Variants in AGBL2 observed in about 807,000 individuals in gnomAD.
AGBL2 encodes AGBL carboxypeptidase 2.
Under a neutral mutation model 103.0 loss-of-function variants are expected in AGBL2, and 87 were observed. The observed-to-expected ratio is 0.84, with a 90% confidence interval of 0.71 to 1.01. AGBL2 has a LOEUF of 1.01. Ranked by LOEUF, AGBL2 falls within the 50% of genes least tolerant of loss-of-function variation. The pLI is 0.00. For missense variants in AGBL2, 904 were observed against 1,023.5 expected, an observed-to-expected ratio of 0.88 and a Z score of 1.59; for synonymous variants, 335 against 356.7, an observed-to-expected ratio of 0.94 and a Z score of 0.69.
intron 4 of AGBL2, among the ~76,000 whole-genome samples, chr11:47,708,073 C>CT (rs371682330): frequency 6.6e-4 from 95 of 144,182 alleles, no homozygotes; most frequent in Non-Finnish European, 5.8e-4. Context: ...ATTTAGTCAT[C>CT]TTTTTTTTTT....
intron 16 of AGBL2, among the ~76,000 whole-genome samples, chr11:47,667,366 G>A (rs894752844): frequency 6.6e-6 from 1 of 152,208 alleles, no homozygotes; most frequent in African/African-American, 2.4e-5. Flanking sequence ...CAGAGTGTAG[G>A]AGAGGTTCAG....
intron 3 of AGBL2, among the ~76,000 whole-genome samples, chr11:47,713,750 G>A (rs1482999822): frequency 2.0e-5 from 3 of 150,762 alleles, no homozygotes; most frequent in East Asian, 2.0e-4. Flanking sequence ...CACCACGCCC[G>A]GCTAATTTTT....
At position 47,710,358 on chromosome 11, in the gene AGBL2, C is replaced by T. The variant is rs375596758; in HGVS notation, c.232+19G>A. 2.1e-5 allele frequency: 34 copies of T among 1,613,780 alleles called. No individual in the cohort carries two copies. The African/African-American group carries it at 2.7e-4, about 13-fold the overall frequency. ...AGGCAATGAGGTTCTAGAGGTCACACATACTGATTGTTACTCACATAGAAG... is the reference window on the plus strand; with the variant it reads ...AGGCAATGAGGTTCTAGAGGTCACATATACTGATTGTTACTCACATAGAAG... On this transcript the variant is annotated intron_variant, in intron 4 of 18. Transcript: ENST00000525123.
intron 11 of AGBL2, among the ~76,000 whole-genome samples, chr11:47,683,737 C>A (rs1404472232): frequency 6.6e-6 from 1 of 150,920 alleles, no homozygotes; most frequent in Non-Finnish European, 1.5e-5. Context: ...CACCACTGCA[C>A]TCCAGCCTGG....
chr11:47,660,620 C>G (rs994725442), intron 18 of AGBL2, among the ~76,000 whole-genome samples: 1 of 150,172 alleles, frequency 6.7e-6, no homozygotes, highest in African/African-American at 2.5e-5. Flanking sequence ...ATGGCACAAT[C>G]TCAGCTCACT....
At chr11:47,702,229 C>T (rs1249501973) in intron 7 of AGBL2, among the ~76,000 whole-genome samples, 1 of 152,120 alleles carries the variant, frequency 6.6e-6, no homozygotes, top group East Asian at 1.9e-4. Context: ...GTTTTTAATG[C>T]TCAATGTTCT....
At chr11:47,687,682 A>G (rs960630339) in intron 10 of AGBL2, among the ~76,000 whole-genome samples, 3 of 152,078 alleles carry the variant, frequency 2.0e-5, no homozygotes, top group Non-Finnish European at 4.4e-5. Context: ...GCTCCCTAGA[A>G]GTTGAGCAGA....
chr11:47,690,175 T>A lies in AGBL2; in HGVS notation c.1532A>T (p.Tyr511Phe), dbSNP rs770149628. The stretch of plus-strand genomic sequence containing the variant: ...ATCCCTTCCGGCCAAGGAACACCGA[T>A]AATTCCCCACAATCACACCATCTGG... The part of the protein sequence containing the change: ...LNPDGVIVGN[Y>F]RCSLAGRDLN... The change falls in exon 10 of 19, where the codon TAT (tyrosine) becomes TTT (phenylalanine). Residue 511 changes from tyrosine (Y) to phenylalanine (F), a missense_variant. Coordinates refer to ENST00000525123, the MANE Select transcript of AGBL2 (RefSeq NM_024783.4). The A allele has an allele frequency of 1.2e-5, 20 of 1,614,066 alleles. No homozygotes were observed. Among genetic ancestry groups the A allele is most frequent in the Non-Finnish European group, 1.6e-5 (19 of 1,180,038 alleles).
At chr11:47,696,746 T>C (rs1052022904) in intron 8 of AGBL2, among the ~76,000 whole-genome samples, 2 of 152,168 alleles carry the variant, frequency 1.3e-5, no homozygotes, top group Non-Finnish European at 2.9e-5. Context: ...ATTTTTTTGA[T>C]TTGTACAGGT....
At position 47,714,706 on chromosome 11, in the gene AGBL2, A is replaced by T. The variant is rs992496201; in HGVS notation, c.-56T>A. On this transcript the variant is annotated 5_prime_UTR_variant, in exon 2 of 19. In the 5' UTR this introduces an upstream ATG that the reference lacks. Transcript: ENST00000525123. ...TCAGTGACATTAGCATCCAGTCGCA[A>T]ACCCTGCCCAATTTCCAAATAGGCA... The T allele has an allele frequency of 1.1e-5, 17 of 1,542,398 alleles. No homozygotes were observed. The highest frequency in any genetic ancestry group is 1.7e-5 in the Admixed American group (1 of 59,846).
rs757293100 is a variant in AGBL2, at chr11:47,692,158, T to C, written c.793A>G (p.Thr265Ala). 2.5e-6 allele frequency: 4 copies of C among 1,613,682 alleles called. No homozygotes were observed. The highest frequency in any genetic ancestry group is 1.1e-5 in the South Asian group (1 of 91,076). The change falls in exon 9 of 19, where the codon ACT becomes GCT. Residue 265 changes from threonine (T) to alanine (A), a missense_variant. Coordinates refer to ENST00000525123, the MANE Select transcript of AGBL2 (RefSeq NM_024783.4). ...TCAAACCTTGATTCAAACAGTAGAG[T>C]ATTATCTTCTGGTCCTTGCAACGTG... ...AVTLQGPEDNTLLFESRFESG... is the reference protein window; with the variant it reads ...AVTLQGPEDNALLFESRFESG...
intron 4 of AGBL2, 108 bp downstream of exon 4, chr11:47,710,269 C>T (rs1174663205): frequency 2.2e-6 from 3 of 1,378,214 alleles, no homozygotes; most frequent in African/African-American, 2.9e-5. Flanking sequence ...AAACAGAGGC[C>T]AAGGCTGCTC....
At chr11:47,687,892 C>T (rs1328309888) in intron 10 of AGBL2, among the ~76,000 whole-genome samples, 1 of 149,990 alleles carries the variant, frequency 6.7e-6, no homozygotes, top group Non-Finnish European at 1.5e-5. Flanking sequence ...ACTGCAACCT[C>T]TGCCTCCCAG....
intron 9 of AGBL2, 133 bp downstream of exon 9, chr11:47,691,970 C>A: frequency 2.7e-6 from 2 of 730,264 alleles, no homozygotes; most frequent in East Asian, 2.9e-5. Flanking sequence ...ATAATTACTC[C>A]ATTTTTCTTC....
intron 11 of AGBL2, among the ~76,000 whole-genome samples, chr11:47,683,837 C>G (rs1331262841): frequency 2.7e-5 from 4 of 150,888 alleles, no homozygotes; most frequent in Non-Finnish European, 4.4e-5. Flanking sequence ...AATCCCAGCA[C>G]TTTGGGAGGC....
chr11:47,704,667 A>C lies in AGBL2; in HGVS notation c.462T>G (p.Asp154Glu). 6.2e-7 allele frequency: 1 copy of C among 1,614,152 alleles called. No homozygotes were observed. The highest frequency in any genetic ancestry group is 1.1e-5 in the South Asian group (1 of 91,080). The change falls in exon 7 of 19, where the codon GAT becomes GAG. Residue 154 changes from aspartate to glutamate, a missense_variant. Coordinates refer to ENST00000525123, the MANE Select transcript of AGBL2 (RefSeq NM_024783.4). ...GTTCTCGAAGACGTGGGTTTACTTC[A>C]TCCAACTCATCATAAAGAAGCTGTC... ...RSRQLLYDEL[D>E]EVNPRLREPQ...
At position 47,690,408 on chromosome 11, in the gene AGBL2, G is replaced by T; in HGVS notation, c.1299C>A (p.Thr433=). The stretch of plus-strand genomic sequence containing the variant: ...GGTTGGTGATGGTGAGCAAGTAAAC[G>T]GTATTTCCTGCTAGGCTCCTGCATA... ...QTLCRSLAGN[T]VYLLTITNPS... is the part of the protein sequence containing the mutation. The change falls in exon 10 of 19, where the codon ACC becomes ACA. Residue 433 remains threonine (T), a synonymous_variant. Transcript: ENST00000525123. The T allele has an allele frequency of 2.5e-6, 4 of 1,614,086 alleles. No homozygotes were observed. The highest frequency in any genetic ancestry group is 3.4e-6 in the Non-Finnish European group (4 of 1,180,008).
At chr11:47,708,731 T>C (rs2097528586) in intron 4 of AGBL2, among the ~76,000 whole-genome samples, 1 of 151,818 alleles carries the variant, frequency 6.6e-6, no homozygotes, top group African/African-American at 2.4e-5. Context: ...GGAGAATCAC[T>C]TGAAGCCAGG....
intron 10 of AGBL2, among the ~76,000 whole-genome samples, chr11:47,687,157 T>TA (rs1013662140): frequency 4.0e-5 from 6 of 149,656 alleles, no homozygotes; most frequent in South Asian, 2.1e-4. Context: ...AAATAAATAA[T>TA]AAAAAAAAAT....
Sources: allele counts gnomAD v4.1 joint callset (sites outside exome capture counted in the v4.1 genomes callset), GRCh38; gene constraint gnomAD v4.1.1; transcripts MANE v1.5; gene names NCBI Gene and HGNC (gene_info 2026-07-23, HGNC 2026-07-21).